ACOXL: variants seen among roughly 807,000 people sequenced by gnomAD.
ACOXL encodes the protein acyl-coenzyme A oxidase-like protein.
Under a neutral mutation model 71.9 loss-of-function variants are expected in ACOXL, and 70 were observed. That is an observed-to-expected ratio of 0.97 (90% CI 0.80 to 1.19). The LOEUF is 1.19. ACOXL is among the 50% of genes most tolerant of loss of function. The pLI, the probability that ACOXL is intolerant of heterozygous loss-of-function variation, is 0.00. For missense variants in ACOXL, 703 were observed against 736.3 expected (o/e 0.95, Z 0.52); for synonymous variants, 253 against 281.6 (o/e 0.90, Z 1.02).
chr2:111,070,690 CCT>C (rs946879189), intron 16 of ACOXL, among the ~76,000 whole-genome samples: 42 of 152,136 alleles, frequency 2.8e-4, no homozygotes, highest in African/African-American at 9.6e-4. Context: ...CCAGAGCTTT[CCT>C]CTGTCTCCCT....
intron 13 of ACOXL, among the ~76,000 whole-genome samples, chr2:110,988,527 G>A (rs553040067): frequency 1.4e-4 from 22 of 151,958 alleles, no homozygotes; most frequent in Non-Finnish European, 2.6e-4. Flanking sequence ...ACTCCCCTAC[G>A]GTATATATTA....
chr2:111,109,774 G>T (rs1175851494), intron 17 of ACOXL, among the ~76,000 whole-genome samples: 1 of 141,054 alleles, frequency 7.1e-6, no homozygotes, highest in Non-Finnish European at 1.5e-5. Context: ...TGCCTCCCAG[G>T]TTCAAGCAAT....
At chr2:110,776,069 A>C (rs1682599496) in intron 2 of ACOXL, among the ~76,000 whole-genome samples, 1 of 152,252 alleles carries the variant, frequency 6.6e-6, no homozygotes, top group Non-Finnish European at 1.5e-5. Flanking sequence ...TAATACATAC[A>C]ATGGGATGTT....
chr2:111,006,847 C>T (rs2063900736), intron 14 of ACOXL, among the ~76,000 whole-genome samples: 1 of 152,192 alleles, frequency 6.6e-6, no homozygotes, highest in Admixed American at 6.5e-5. Context: ...GCATGAGCCA[C>T]CGCACCCGGC....
At chr2:110,738,003 G>A (rs1677074913) in intron 1 of ACOXL, among the ~76,000 whole-genome samples, 1 of 152,234 alleles carries the variant, frequency 6.6e-6, no homozygotes, top group South Asian at 2.1e-4. Flanking sequence ...AGATAGCTGA[G>A]ATGACAGTGT....
intron 1 of ACOXL, among the ~76,000 whole-genome samples, chr2:110,767,439 C>T (rs1354639762): frequency 6.6e-6 from 1 of 152,192 alleles, no homozygotes; most frequent in Non-Finnish European, 1.5e-5. Flanking sequence ...GCCTCAGACA[C>T]AGTACAGTGA....
intron 9 of ACOXL, among the ~76,000 whole-genome samples, chr2:110,834,123 G>T (rs529574361): frequency 6.6e-6 from 1 of 152,242 alleles, no homozygotes; most frequent in African/African-American, 2.4e-5. Flanking sequence ...TCCTTTCATG[G>T]TTCCTTTTCT....
intron 3 of ACOXL, among the ~76,000 whole-genome samples, chr2:110,786,052 G>A (rs1683918208): frequency 6.6e-6 from 1 of 152,192 alleles, no homozygotes; most frequent in Non-Finnish European, 1.5e-5. Flanking sequence ...AATAGCTCAG[G>A]TGGGCGTGTC....
intron 10 of ACOXL, among the ~76,000 whole-genome samples, chr2:110,877,633 C>T (rs1385556284): frequency 1.3e-5 from 2 of 152,164 alleles, no homozygotes; most frequent in Admixed American, 6.5e-5. Context: ...CTACTTGGGT[C>T]ACCACGGAGA....
chr2:110,896,293 A>G (rs936590347), intron 10 of ACOXL, among the ~76,000 whole-genome samples: 6 of 152,182 alleles, frequency 3.9e-5, no homozygotes, highest in Admixed American at 2.0e-4. Flanking sequence ...AAAATATTCA[A>G]GTAACCTAAA....
intron 12 of ACOXL, among the ~76,000 whole-genome samples, chr2:110,969,059 G>A (rs1214469669): frequency 6.6e-6 from 1 of 152,126 alleles, no homozygotes; most frequent in Non-Finnish European, 1.5e-5. Flanking sequence ...TAAGCAACAT[G>A]CTTAAAATAA....
intron 3 of ACOXL, among the ~76,000 whole-genome samples, chr2:110,792,983 T>TC (rs1684828458): frequency 6.6e-6 from 1 of 152,220 alleles, no homozygotes; most frequent in South Asian, 2.1e-4. Flanking sequence ...AATCCCAATT[T>TC]CCCATGTTAA....
intron 14 of ACOXL, among the ~76,000 whole-genome samples, chr2:111,004,051 CTT>C (rs2063763514): frequency 6.6e-6 from 1 of 152,162 alleles, no homozygotes; most frequent in Admixed American, 6.5e-5. Flanking sequence ...TTTGGTGTAT[CTT>C]GACATAAAAT....
chr2:111,016,099 A>C (rs1226303690), intron 14 of ACOXL, among the ~76,000 whole-genome samples: 18 of 36,684 alleles, frequency 4.9e-4, no homozygotes, highest in Non-Finnish European at 2.0e-4. Context: ...CGCCTGGCTA[A>C]TTTTTTTAAT....
intron 17 of ACOXL, among the ~76,000 whole-genome samples, chr2:111,110,207 T>C (rs996198644): frequency 1.3e-5 from 2 of 152,156 alleles, no homozygotes; most frequent in Non-Finnish European, 2.9e-5. Flanking sequence ...GTCTGGTGGT[T>C]AGGGTCAGGG....
chr2:110,803,213 T>C (rs545892907), intron 8 of ACOXL, among the ~76,000 whole-genome samples: 16 of 152,246 alleles, frequency 1.1e-4, no homozygotes, highest in African/African-American at 3.6e-4. Context: ...AAACTTAGAA[T>C]AGCCAAAACA....
At chr2:110,986,758 G>A (rs1380691177) in intron 12 of ACOXL, among the ~76,000 whole-genome samples, 1 of 152,208 alleles carries the variant, frequency 6.6e-6, no homozygotes, top group African/African-American at 2.4e-5. Context: ...TGTCAGGGGT[G>A]AAAAAGAGAA....
At chr2:110,985,022 G>A (rs988019020) in intron 12 of ACOXL, among the ~76,000 whole-genome samples, 1 of 152,212 alleles carries the variant, frequency 6.6e-6, no homozygotes, top group Non-Finnish European at 1.5e-5. Context: ...GTGGGAATCA[G>A]AGAAAGCAAT....
rs749809086 is a variant in ACOXL, at chr2:110,952,448, T to C, written c.1059+18806T>C. On this transcript the variant is annotated intron_variant, in intron 12 of 17. Transcript: ENST00000439055. ...CACTATATCTGATTTTTCTATTTCATTGATTTTTATCTTTATTACTTCTTT... is the reference window on the plus strand; with the variant it reads ...CACTATATCTGATTTTTCTATTTCACTGATTTTTATCTTTATTACTTCTTT... Among the ~76,000 whole-genome samples the C allele has an allele frequency of 2.4e-4, 36 of 152,184 alleles. 1 individual carries two copies. The highest frequency in any genetic ancestry group is 4.4e-4 in the Non-Finnish European group (30 of 68,028).
Sources: allele counts gnomAD v4.1 joint callset (sites outside exome capture counted in the v4.1 genomes callset), GRCh38; gene constraint gnomAD v4.1.1; transcripts MANE v1.5; gene names NCBI Gene and HGNC (gene_info 2026-07-23, HGNC 2026-07-21).